Variants in EPHB3 observed in about 807,000 individuals in gnomAD.
The protein encoded by EPHB3 is EPH receptor B3.
Under a neutral mutation model 100.2 loss-of-function variants are expected in EPHB3, and 33 were observed. That is an observed-to-expected ratio of 0.33 (90% confidence interval 0.25 to 0.44). EPHB3 has a LOEUF of 0.44. Ranked by LOEUF, EPHB3 falls within the 20% of genes least tolerant of loss-of-function variation. EPHB3 has a pLI of 1.00. For synonymous variants in EPHB3, 526 were observed against 554.7 expected, an observed-to-expected ratio of 0.95 and a Z score of 0.73; for missense variants, 1,045 against 1,378.3, an observed-to-expected ratio of 0.76 and a Z score of 3.83.
Position 184,562,366 on chromosome 3 carries a change from G to T in EPHB3, c.118+13G>T. The T allele has an allele frequency of 8.2e-7, 1 of 1,216,890 alleles. No individual in the cohort carries two copies. Among genetic ancestry groups the T allele is most frequent in the Non-Finnish European group, 1.0e-6 (1 of 979,880 alleles). The allele number at this position is 1,216,890 out of a possible 1,614,324, so 75.4% of individuals were successfully genotyped here. A position where few individuals can be genotyped will look rare whatever the true frequency, so the allele number is the denominator to read the frequency against. On this transcript the variant is annotated intron_variant, in intron 1 of 15. Transcript: ENST00000330394. This position sits in a 1 kb window ranked among gnomAD's most constrained non-coding sequence, Gnocchi z 4.8. ...CGGGCGCTGGAAGGTGAGCGGCGTC[G>T]GGGGGCGCGCCCGGGAACAAGGTGC...
chr3:184,580,950 G>C (rs1326810939), intron 13 of EPHB3, 22 bp from the exon 14 acceptor site: 3 of 1,607,950 alleles, frequency 1.9e-6, no homozygotes, highest in Middle Eastern at 1.6e-4. Flanking sequence ...GCTCACTCAG[G>C]GTTTCCCTGC....
chr3:184,576,192 C>T (rs1714672988), intron 4 of EPHB3, among the ~76,000 whole-genome samples: 1 of 151,434 alleles, frequency 6.6e-6, no homozygotes, highest in Non-Finnish European at 1.5e-5. Flanking sequence ...GTCCCTTCCA[C>T]CAACGCTTGC....
Position 184,578,388 on chromosome 3 carries a change from C to T in EPHB3, c.1749-26C>T. 3 of 1,613,824 alleles carry T rather than the reference C, an allele frequency of 1.9e-6. No homozygotes were observed. In the Middle Eastern group the frequency reaches 4.9e-4, roughly 266 times the overall value. ...GGGAGGCAGATGACTTGTCTCAGGC[C>T]TGCCCTCCACCCTGCCACCCTACAG... is the stretch of plus-strand genomic sequence containing the variant. On this transcript the variant is annotated intron_variant, in intron 8 of 15. Coordinates refer to ENST00000330394, the MANE Select transcript of EPHB3 (RefSeq NM_004443.4). The surrounding 1 kb of genome is among the most constrained non-coding windows in gnomAD (Gnocchi z 4.7).
Position 184,577,184 on chromosome 3 carries a change from G to C in EPHB3, c.1354+1G>C. 1 of 1,592,350 alleles carries C rather than the reference G, an allele frequency of 6.3e-7. No homozygotes were observed. The highest frequency in any genetic ancestry group is 8.6e-7 in the Non-Finnish European group (1 of 1,166,278). On this transcript the variant is annotated splice_donor_variant, in intron 5 of 15. Coordinates refer to ENST00000330394, the MANE Select transcript of EPHB3 (RefSeq NM_004443.4). LOFTEE classifies it high-confidence loss of function. This position sits in a 1 kb window ranked among gnomAD's most constrained non-coding sequence, Gnocchi z 4.9. ...GTGAATATCACCACAAACCAGGCTG[G>C]TGAGGAGGGGACACTGGAGGGTAGG... is the stretch of plus-strand genomic sequence containing the variant.
rs1405359214 is a variant in EPHB3 at position 184,569,197 on chromosome 3, G to C, written c.119-2121G>C. Among the ~76,000 whole-genome samples the C allele has an allele frequency of 6.6e-6, 1 of 152,052 alleles. No homozygotes were observed. The highest frequency in any genetic ancestry group is 2.4e-5 in the African/African-American group (1 of 41,434). On this transcript the variant is annotated intron_variant, in intron 1 of 15. Coordinates refer to ENST00000330394, the MANE Select transcript of EPHB3 (RefSeq NM_004443.4). The surrounding 1 kb of genome is among the most constrained non-coding windows in gnomAD (Gnocchi z 5.4). Reference sequence around the variant, plus strand: ...CCGGCCTGCTCCGGCGGGCGGACCGGCGGGCGGACCGGCGGGAGGACTGGC... The same window carrying C: ...CCGGCCTGCTCCGGCGGGCGGACCGCCGGGCGGACCGGCGGGAGGACTGGC...
Position 184,582,281 on chromosome 3 carries a change from CGCGCGCGCGCGTGTGTGT to C in EPHB3, c.*661_*678del, listed in dbSNP as rs1714846808. ...GTGTGTGTGTGTGTGTGTGTGTGCG[CGCGCGCGCGCGTGTGTGT>C]GTGCACGCACTGGCCTGCACAGAGA... On this transcript the variant is annotated 3_prime_UTR_variant, in exon 16 of 16. Transcript: ENST00000330394. 1.3e-5 allele frequency: 1 copy of C among 74,448 alleles called. No homozygotes were observed. The allele number at this position is 74,448 out of a possible 1,614,324, so 4.6% of individuals were successfully genotyped here.
rs1268552150 is a variant in EPHB3, at chr3:184,579,539, C to T, written c.1864C>T (p.Arg622Trp). 1.2e-6 allele frequency: 2 copies of T among 1,613,950 alleles called. No homozygotes were observed. Among genetic ancestry groups the T allele is most frequent in the Non-Finnish European group, 1.7e-6 (2 of 1,179,980 alleles). The change falls in exon 10 of 16, where the codon CGG becomes TGG. Residue 622 changes from arginine to tryptophan, a missense_variant. Around this residue, in one of 2 missense-constraint regions of EPHB3, gnomAD observed 985 missense variants for 1,331.1 expected, o/e 0.74. Transcript: ENST00000330394. This position sits in a 1 kb window ranked among gnomAD's most constrained non-coding sequence, Gnocchi z 5.2. ...FTYEDPNEAV[R>W]EFAKEIDVSC... ...CTACGAGGACCCTAATGAGGCTGTTCGGGAGTTTGCCAAGGAGATCGACGT... is the reference window on the plus strand; with the variant it reads ...CTACGAGGACCCTAATGAGGCTGTTTGGGAGTTTGCCAAGGAGATCGACGT...
chr3:184,572,658 T>C lies in EPHB3; in HGVS notation c.338T>C (p.Val113Ala), dbSNP rs1309867845. The C allele has an allele frequency of 1.9e-6, 3 of 1,586,108 alleles. No homozygotes were observed. Among genetic ancestry groups the C allele is most frequent in the Non-Finnish European group, 2.6e-6 (3 of 1,167,938 alleles). The change falls in exon 3 of 16, where the codon GTG becomes GCG. Residue 113 changes from valine to alanine, a missense_variant. Physicochemically the swap from Val to Ala is moderately conservative, Grantham distance 64. Transcript: ENST00000330394. The surrounding 1 kb of genome is among the most constrained non-coding windows in gnomAD (Gnocchi z 6.6). ...QRVYVELKFT[V>A]RDCNSIPNIP... ...GTCTACGTGGAGCTCAAGTTCACTG[T>C]GCGTGACTGCAACAGCATCCCCAAC...
chr3:184,567,906 C>T (rs1199417889), intron 1 of EPHB3, among the ~76,000 whole-genome samples: 1 of 152,174 alleles, frequency 6.6e-6, no homozygotes, highest in Non-Finnish European at 1.5e-5. Flanking sequence ...GAAAGATTCA[C>T]TGTATATGAA....
Position 184,571,590 on chromosome 3 carries a change from T to C in EPHB3, c.183+208T>C, listed in dbSNP as rs1459849338. ...GTCCTTCTCTGTGGGCATTTCTATC[T>C]CTCACCCCTCTGCCTGCCTGTGCCC... On this transcript the variant is annotated intron_variant, in intron 2 of 15. Coordinates refer to ENST00000330394, the MANE Select transcript of EPHB3 (RefSeq NM_004443.4). This position sits in a 1 kb window ranked among gnomAD's most constrained non-coding sequence, Gnocchi z 5.0. Among the ~76,000 whole-genome samples, 1 of 151,738 alleles carries C rather than the reference T, an allele frequency of 6.6e-6. No homozygotes were observed. Among genetic ancestry groups the C allele is most frequent in the Non-Finnish European group, 1.5e-5 (1 of 67,946 alleles).
chr3:184,568,840 T>TTGAGCGATGGCCAAGGC (rs1714462693), intron 1 of EPHB3, among the ~76,000 whole-genome samples: 1 of 152,208 alleles, frequency 6.6e-6, no homozygotes. Context: ...TGTGGCGAGA[T>TTGAGCGATGGCCAAGGC]TGAGCGATGG....
chr3:184,575,274 C>T, intron 3 of EPHB3: 1 of 972,060 alleles, frequency 1.0e-6, no homozygotes. Context: ...TTCTTTCTCT[C>T]CTCCTCTCAC....
intron 11 of EPHB3, 71 bp downstream of exon 11, chr3:184,580,005 G>T: frequency 6.4e-7 from 1 of 1,559,996 alleles, no homozygotes; most frequent in South Asian, 1.2e-5. Context: ...CCTCCCACAA[G>T]TCAGACAGCC....
rs1714761244 is a variant in EPHB3, at chr3:184,579,321, A to G, written c.1802-156A>G. Among the ~76,000 whole-genome samples the G allele has an allele frequency of 6.6e-6, 1 of 152,042 alleles. No individual in the cohort carries two copies. The highest frequency in any genetic ancestry group is 1.5e-5 in the Non-Finnish European group (1 of 67,982). ...GTAGAATCCTAGGTGTCTAGCCTTTATGGTCACCAGGAGTTCTCATGGGAG... is the reference window on the plus strand; with the variant it reads ...GTAGAATCCTAGGTGTCTAGCCTTTGTGGTCACCAGGAGTTCTCATGGGAG... On this transcript the variant is annotated intron_variant, in intron 9 of 15. Coordinates refer to ENST00000330394, the MANE Select transcript of EPHB3 (RefSeq NM_004443.4). The surrounding 1 kb of genome is among the most constrained non-coding windows in gnomAD (Gnocchi z 5.2).
At position 184,572,456 on chromosome 3, in the gene EPHB3, T is replaced by C. The variant is rs1211005325; in HGVS notation, c.184-48T>C. Reference sequence around the variant, plus strand: ...CAGATCTGGGCACGAGGGAAGCACTTGGCAAATGCAGGCATTCACTCTGTC... The same window carrying C: ...CAGATCTGGGCACGAGGGAAGCACTCGGCAAATGCAGGCATTCACTCTGTC... On this transcript the variant is annotated intron_variant, in intron 2 of 15. Coordinates refer to ENST00000330394, the MANE Select transcript of EPHB3 (RefSeq NM_004443.4). This position sits in a 1 kb window ranked among gnomAD's most constrained non-coding sequence, Gnocchi z 6.6. The C allele has an allele frequency of 6.6e-7, 1 of 1,520,306 alleles. No homozygotes were observed. The highest frequency in any genetic ancestry group is 8.8e-7 in the Non-Finnish European group (1 of 1,141,270). The allele number at this position is 1,520,306 out of a possible 1,614,324, so 94.2% of individuals were successfully genotyped here. A position where few individuals can be genotyped will look rare whatever the true frequency, so the allele number is the denominator to read the frequency against.
rs1281801662 is a variant in EPHB3 at position 184,569,297 on chromosome 3, C to T, written c.119-2021C>T. ...CGCTGCCGGCTGGGGACGAGGCCGC[C>T]TGGCAACCTCCCTCTGTCCCTGTCT... On this transcript the variant is annotated intron_variant, in intron 1 of 15. Transcript: ENST00000330394. The surrounding 1 kb of genome is among the most constrained non-coding windows in gnomAD (Gnocchi z 5.4). 1.3e-5 allele frequency among the ~76,000 whole-genome samples: 2 copies of T among 152,034 alleles called. No homozygotes were observed. The highest frequency in any genetic ancestry group is 2.9e-5 in the Non-Finnish European group (2 of 67,998).
rs1292077521 is a variant in EPHB3, at chr3:184,579,501, T to C, written c.1826T>C (p.Ile609Thr). The stretch of plus-strand genomic sequence containing the variant: ...GTTGCTCCTGGAATGAAGGTTTATA[T>C]TGACCCTTTTACCTACGAGGACCCT... ...QYIAPGMKVY[I>T]DPFTYEDPNE... Residue 609 changes from isoleucine to threonine, a missense_variant, in exon 10 of 16, where the codon ATT (isoleucine) becomes ACT (threonine). Transcript: ENST00000330394. The surrounding 1 kb of genome is among the most constrained non-coding windows in gnomAD (Gnocchi z 5.2). The C allele has an allele frequency of 1.2e-6, 2 of 1,613,982 alleles. No individual in the cohort carries two copies. Among genetic ancestry groups the C allele is most frequent in the South Asian group, 2.2e-5 (2 of 91,058 alleles).
intron 1 of EPHB3, among the ~76,000 whole-genome samples, chr3:184,570,169 G>T (rs1189076704): frequency 1.3e-5 from 2 of 152,198 alleles, no homozygotes; most frequent in African/African-American, 4.8e-5. Context: ...GCACAAAGGA[G>T]GGCATCTTAC....
At chr3:184,574,641 G>T (rs1032020977) in intron 3 of EPHB3, among the ~76,000 whole-genome samples, 3 of 152,202 alleles carry the variant, frequency 2.0e-5, no homozygotes, top group Non-Finnish European at 4.4e-5. Context: ...GCGAGGCCAT[G>T]TTGTCATGAG....
Sources: gnomAD v4.1 joint callset for allele counts (sites outside exome capture counted in the v4.1 genomes callset) on GRCh38, gnomAD v4.1.1 for gene constraint, gnomAD v4.1.1 regional missense constraint, Gnocchi (gnomAD v3.1) non-coding constraint, MANE v1.5 for transcripts, NCBI Gene and HGNC (gene_info 2026-07-23, HGNC 2026-07-21) for gene names.